Variants in ASTN2 observed in about 807,000 individuals in gnomAD.
ASTN2 encodes astrotactin 2.
Under a neutral mutation model 139.8 loss-of-function variants are expected in ASTN2, and 54 were observed. The ratio of observed to expected loss-of-function variants is 0.39; its 90% confidence interval spans 0.31 to 0.48. The LOEUF is 0.48. Ranked by LOEUF, ASTN2 falls within the 20% of genes least tolerant of loss-of-function variation. The pLI, the probability that ASTN2 is intolerant of heterozygous loss-of-function variation, is 0.95. For synonymous variants in ASTN2, 756 were observed against 719.5 expected (o/e 1.05, Z -0.81); for missense variants, 1,565 against 1,725.1 (o/e 0.91, Z 1.64).
chr9:116,461,540 C>T lies in ASTN2; in HGVS notation c.3498-18987G>A, dbSNP rs188511678. On this transcript the variant is annotated intron_variant, in intron 20 of 22. Coordinates refer to ENST00000313400, the MANE Select transcript of ASTN2 (RefSeq NM_001365068.1). Reference sequence around the variant, plus strand: ...TCTCCTACATAAAAGCTATCCATGGCATCTCACTCCTAGAATATTATTTCT... The same window carrying T: ...TCTCCTACATAAAAGCTATCCATGGTATCTCACTCCTAGAATATTATTTCT... 5.3e-5 allele frequency among the ~76,000 whole-genome samples: 8 copies of T among 152,210 alleles called. No homozygotes were observed. The East Asian group carries it at 1.5e-3, about 29-fold the overall frequency.
At chr9:117,016,639 TA>T (rs1564385976) in intron 6 of ASTN2, among the ~76,000 whole-genome samples, 6 of 21,914 alleles carry the variant, frequency 2.7e-4, no homozygotes, top group South Asian at 1.3e-3. Flanking sequence ...TATATATATA[TA>T]TATATATATA....
chr9:117,408,365 A>G (rs2130975759), intron 1 of ASTN2, among the ~76,000 whole-genome samples: 1 of 152,268 alleles, frequency 6.6e-6, no homozygotes, highest in South Asian at 2.1e-4. Context: ...CATATAAAAT[A>G]GAGGGGTTGA....
chr9:117,096,215 A>G, intron 4 of ASTN2, 64 bp from the exon 5 acceptor site: 1 of 1,331,028 alleles, frequency 7.5e-7, no homozygotes, highest in South Asian at 1.2e-5. Flanking sequence ...AGATTCCTCA[A>G]CCATCCCAGA....
At chr9:117,008,687 A>G (rs1353838575) in intron 6 of ASTN2, among the ~76,000 whole-genome samples, 2 of 152,204 alleles carry the variant, frequency 1.3e-5, no homozygotes, top group Non-Finnish European at 2.9e-5. Context: ...ATTATAGGAA[A>G]TAATGATTAA....
At chr9:116,858,444 G>C (rs1189517365) in intron 11 of ASTN2, among the ~76,000 whole-genome samples, 7 of 152,148 alleles carry the variant, frequency 4.6e-5, no homozygotes, top group Non-Finnish European at 4.4e-5. Context: ...GTGCGTCAGG[G>C]GGCAGCAGTT....
chr9:116,886,340 G>A (rs1383805781), intron 10 of ASTN2, among the ~76,000 whole-genome samples: 1 of 152,244 alleles, frequency 6.6e-6, no homozygotes, highest in Non-Finnish European at 1.5e-5. Flanking sequence ...AATGTGGGAA[G>A]ACTGATTCCT....
intron 20 of ASTN2, among the ~76,000 whole-genome samples, chr9:116,478,991 CAAAAAAAAAAAAAA>C (rs34860380): frequency 4.9e-5 from 3 of 61,008 alleles, no homozygotes; most frequent in South Asian, 8.9e-4. Context: ...GACTGTGCCT[CAAAAAAAAAAAAAA>C]AAAAAAAAAA....
At chr9:116,485,399 A>T (rs1021076670) in intron 20 of ASTN2, among the ~76,000 whole-genome samples, 2 of 152,228 alleles carry the variant, frequency 1.3e-5, no homozygotes, top group African/African-American at 4.8e-5. Flanking sequence ...TCTATCAGAA[A>T]ATCTTTTGAA....
intron 10 of ASTN2, among the ~76,000 whole-genome samples, chr9:116,957,172 A>AT (rs1174155484): frequency 6.0e-5 from 9 of 150,912 alleles, no homozygotes; most frequent in Admixed American, 2.0e-4. Flanking sequence ...TTTTTCTTCT[A>AT]TTTTTTCCCT....
intron 10 of ASTN2, among the ~76,000 whole-genome samples, chr9:116,922,850 A>T (rs1358502803): frequency 1.3e-5 from 2 of 152,184 alleles, no homozygotes; most frequent in Non-Finnish European, 2.9e-5. Context: ...GTGGGCTGGA[A>T]GTTTGGAGAC....
At chr9:116,597,732 G>C (rs1854663594) in intron 19 of ASTN2, among the ~76,000 whole-genome samples, 1 of 152,072 alleles carries the variant, frequency 6.6e-6, no homozygotes, top group Non-Finnish European at 1.5e-5. Context: ...GGGGATATTG[G>C]GTAGGTGGCT....
intron 1 of ASTN2, among the ~76,000 whole-genome samples, chr9:117,375,709 C>T (rs564819140): frequency 1.3e-5 from 2 of 152,268 alleles, no homozygotes; most frequent in African/African-American, 2.4e-5. Context: ...GTGTGAGTTT[C>T]CCATTGCTGC....
intron 1 of ASTN2, among the ~76,000 whole-genome samples, chr9:117,314,892 A>G (rs988053306): frequency 1.4e-5 from 2 of 146,576 alleles, no homozygotes; most frequent in Admixed American, 1.4e-4. Flanking sequence ...CTATTTATAT[A>G]AATATATTTT....
chr9:117,191,894 G>A (rs878860254), intron 3 of ASTN2, among the ~76,000 whole-genome samples: 17 of 152,160 alleles, frequency 1.1e-4, no homozygotes, highest in Non-Finnish European at 1.9e-4. Context: ...AAGAGAAAGC[G>A]GGGCTCTGAG....
chr9:116,901,646 A>G (rs1483246442), intron 10 of ASTN2, among the ~76,000 whole-genome samples: 1 of 152,254 alleles, frequency 6.6e-6, no homozygotes, highest in Admixed American at 6.5e-5. Flanking sequence ...ATAGTTGATA[A>G]TAATAATACA....
intron 1 of ASTN2, among the ~76,000 whole-genome samples, chr9:117,318,066 G>A (rs956962722): frequency 6.6e-6 from 1 of 152,214 alleles, no homozygotes. Flanking sequence ...ACAGTGGGAT[G>A]CAGGCAGAAT....
At chr9:116,462,694 C>A (rs967362516) in intron 20 of ASTN2, among the ~76,000 whole-genome samples, 3 of 151,898 alleles carry the variant, frequency 2.0e-5, no homozygotes, top group Non-Finnish European at 4.4e-5. Context: ...GGATAATATT[C>A]TTTTCCTTGG....
intron 11 of ASTN2, among the ~76,000 whole-genome samples, chr9:116,861,966 C>CCTT (rs1447462940): frequency 4.5e-5 from 4 of 88,918 alleles, no homozygotes; most frequent in East Asian, 3.6e-4. Context: ...CAATGCATTT[C>CCTT]CTTCTTCTTT....
intron 1 of ASTN2, among the ~76,000 whole-genome samples, chr9:117,340,880 C>A (rs1829045137): frequency 6.6e-6 from 1 of 152,062 alleles, no homozygotes; most frequent in African/African-American, 2.4e-5. Flanking sequence ...TCAGTGTGCC[C>A]ATCAGCAACA....
Sources: allele counts gnomAD v4.1 joint callset (sites outside exome capture counted in the v4.1 genomes callset), GRCh38; gene constraint gnomAD v4.1.1; transcripts MANE v1.5; gene names NCBI Gene and HGNC (gene_info 2026-07-23, HGNC 2026-07-21).